The following LRMDA variants were observed in gnomAD, a reference collection of about 807,000 sequenced individuals.
The protein encoded by LRMDA is leucine-rich melanocyte differentiation-associated protein.
LRMDA carries 18 observed loss-of-function variants against 29.8 expected under a neutral mutation model. The observed-to-expected ratio is 0.60, with a 90% CI of 0.42 to 0.90. The LOEUF (loss-of-function observed/expected upper bound fraction) is 0.90, where lower values mean the gene tolerates loss of function less well. Ranked by LOEUF, LRMDA falls within the 40% of genes least tolerant of loss-of-function variation. The pLI is 0.00. For missense variants in LRMDA, 273 were observed against 273.9 expected (o/e 1.00, Z 0.02); for synonymous variants, 125 against 109.4 (o/e 1.14, Z -0.89).
intron 2 of LRMDA, among the ~76,000 whole-genome samples, chr10:75,495,608 T>C (rs1845035493): frequency 6.6e-6 from 1 of 152,152 alleles, no homozygotes; most frequent in South Asian, 2.1e-4. Context: ...CCTCCCCTTC[T>C]TGCCTGCGGG....
intron 6 of LRMDA, among the ~76,000 whole-genome samples, chr10:76,522,688 A>T (rs1030703198): frequency 1.3e-5 from 2 of 152,148 alleles, no homozygotes; most frequent in African/African-American, 4.8e-5. Context: ...CACATCCACA[A>T]GCCGAATAAA....
intron 2 of LRMDA, among the ~76,000 whole-genome samples, chr10:75,837,804 C>T (rs61861028): frequency 0.015 from 2,328 of 152,000 alleles, 31 homozygotes; most frequent in Non-Finnish European, 0.024. Flanking sequence ...CCATGGTTCT[C>T]GGAATCTGTG....
chr10:76,099,842 G>A (rs1202510032), intron 5 of LRMDA, among the ~76,000 whole-genome samples: 1 of 152,146 alleles, frequency 6.6e-6, no homozygotes, highest in African/African-American at 2.4e-5. Context: ...ATTGAGGTTT[G>A]TTTTATTGCC....
At chr10:76,127,224 A>T (rs2132131385) in intron 5 of LRMDA, among the ~76,000 whole-genome samples, 1 of 152,338 alleles carries the variant, frequency 6.6e-6, no homozygotes. Flanking sequence ...ATGTTGTCTC[A>T]TTATTTAAAT....
chr10:76,333,600 T>C (rs1211594915), intron 6 of LRMDA, among the ~76,000 whole-genome samples: 1 of 152,160 alleles, frequency 6.6e-6, no homozygotes, highest in Non-Finnish European at 1.5e-5. Context: ...TGTATGAGGT[T>C]GCTGATGGTT....
chr10:76,127,514 T>C (rs1311263392), intron 5 of LRMDA, among the ~76,000 whole-genome samples: 1 of 152,130 alleles, frequency 6.6e-6, no homozygotes, highest in Non-Finnish European at 1.5e-5. Flanking sequence ...TGTGTTTATA[T>C]TGTAATAATG....
At chr10:76,442,548 C>A (rs1437060935) in intron 6 of LRMDA, among the ~76,000 whole-genome samples, 2 of 152,024 alleles carry the variant, frequency 1.3e-5, no homozygotes, top group East Asian at 3.9e-4. Flanking sequence ...AAAAAATTAT[C>A]TGGGCATGGT....
At chr10:76,433,813 G>C (rs1409727038) in intron 6 of LRMDA, 1 of 152,176 alleles carries the variant, frequency 6.6e-6, no homozygotes, top group Non-Finnish European at 1.5e-5. Context: ...CTTAGAGTGA[G>C]CCCATCCAAA....
At chr10:75,698,204 TAC>T (rs1201768078) in intron 2 of LRMDA, among the ~76,000 whole-genome samples, 2 of 152,142 alleles carry the variant, frequency 1.3e-5, no homozygotes, top group Non-Finnish European at 1.5e-5. Context: ...AGGGAGGAGA[TAC>T]AGAGTAGTGC....
intron 2 of LRMDA, among the ~76,000 whole-genome samples, chr10:75,546,171 A>G (rs973668789): frequency 3.9e-5 from 6 of 152,190 alleles, no homozygotes; most frequent in African/African-American, 1.2e-4. Flanking sequence ...AGTGTTGGGC[A>G]TGGTGCCAAC....
chr10:76,099,796 TA>T (rs370280921), intron 5 of LRMDA, among the ~76,000 whole-genome samples: 2 of 152,254 alleles, frequency 1.3e-5, no homozygotes, highest in African/African-American at 4.8e-5. Flanking sequence ...TGTTGTTAGA[TA>T]ACACACTTTG....
intron 2 of LRMDA, among the ~76,000 whole-genome samples, chr10:75,638,692 C>T (rs541835082): frequency 1.1e-4 from 17 of 152,104 alleles, no homozygotes; most frequent in Admixed American, 4.6e-4. Context: ...AGTTTACAGT[C>T]GTAAGACAAG....
chr10:76,342,002 G>A (rs1268887843), intron 6 of LRMDA, among the ~76,000 whole-genome samples: 1 of 152,142 alleles, frequency 6.6e-6, no homozygotes, highest in Non-Finnish European at 1.5e-5. Context: ...CATGGGGAGT[G>A]GCAAAATTCT....
In LRMDA at chr10:75,805,420, C is replaced by T. The variant is rs574478379; in HGVS notation, c.132-230588C>T. 1.6e-4 allele frequency among the ~76,000 whole-genome samples: 25 copies of T among 152,202 alleles called. No individual in the cohort carries two copies. In the South Asian group the frequency reaches 5.2e-3, roughly 32 times the overall value. ...AACCTTGGAGGTTAGAATATGTTAG[C>T]GAGATATTTAATGAGACATATGAAC... On this transcript the variant is annotated intron_variant, in intron 2 of 6. Coordinates refer to ENST00000611255, the MANE Select transcript of LRMDA (RefSeq NM_001305581.2).
chr10:75,755,533 G>A (rs911871313), intron 2 of LRMDA, among the ~76,000 whole-genome samples: 1 of 152,238 alleles, frequency 6.6e-6, no homozygotes, highest in Non-Finnish European at 1.5e-5. Flanking sequence ...ATGGTGATGA[G>A]TGCTATACCA....
intron 2 of LRMDA, among the ~76,000 whole-genome samples, chr10:75,972,557 T>A (rs900960321): frequency 3.1e-4 from 47 of 152,318 alleles, no homozygotes; most frequent in African/African-American, 1.1e-3. Flanking sequence ...TCTTTTTTTT[T>A]ACTGTTATCT....
At chr10:76,288,569 C>T (rs1335332584) in intron 5 of LRMDA, among the ~76,000 whole-genome samples, 1 of 152,174 alleles carries the variant, frequency 6.6e-6, no homozygotes, top group African/African-American at 2.4e-5. Flanking sequence ...GCAAAAGAAA[C>T]TATCATCAGA....
At chr10:76,370,062 A>G (rs568754548) in intron 6 of LRMDA, among the ~76,000 whole-genome samples, 1 of 152,184 alleles carries the variant, frequency 6.6e-6, no homozygotes, top group Non-Finnish European at 1.5e-5. Flanking sequence ...AAAATAAAAA[A>G]CCATGATGTT....
intron 5 of LRMDA, among the ~76,000 whole-genome samples, chr10:76,174,058 G>C (rs969743079): frequency 6.6e-6 from 1 of 152,154 alleles, no homozygotes; most frequent in Non-Finnish European, 1.5e-5. Context: ...TTCTAAGAAA[G>C]ATTTAATGAG....
Sources: allele counts gnomAD v4.1 joint callset (sites outside exome capture counted in the v4.1 genomes callset), GRCh38; gene constraint gnomAD v4.1.1; transcripts MANE v1.5; gene names NCBI Gene and HGNC (gene_info 2026-07-23, HGNC 2026-07-21).